The following PAX8 variants were observed in gnomAD, a reference collection of about 807,000 sequenced individuals.
PAX8 encodes the protein paired box 8, also known as paired box protein Pax-8.
A neutral mutation model predicts 52.4 loss-of-function variants in PAX8; 15 were observed. The observed-to-expected ratio is 0.29, with a 90% confidence interval of 0.19 to 0.44. The LOEUF is 0.44. PAX8 is among the 20% of genes least tolerant of loss of function. PAX8 has a pLI of 1.00. For missense variants in PAX8, 554 were observed against 602.5 expected (o/e 0.92, Z 0.84); for synonymous variants, 284 against 249.7 (o/e 1.14, Z -1.29).
chr2:113,242,997 CAG>C (rs1256765844), intron 4 of PAX8, among the ~76,000 whole-genome samples: 1 of 152,224 alleles, frequency 6.6e-6, no homozygotes, highest in Non-Finnish European at 1.5e-5. Context: ...AAGGCCAAAA[CAG>C]AGATGGGGCT....
chr2:113,278,802 A>C, intron 1 of PAX8, 29 bp downstream of exon 1: 4 of 1,020,582 alleles, frequency 3.9e-6, no homozygotes, highest in Non-Finnish European at 4.8e-6. Flanking sequence ...ACTGCTAGCC[A>C]GCTTCCAGCT....
chr2:113,244,096 G>C (rs1691104748), intron 4 of PAX8, among the ~76,000 whole-genome samples: 1 of 152,194 alleles, frequency 6.6e-6, no homozygotes, highest in African/African-American at 2.4e-5. Context: ...CTTGAATGTG[G>C]GCTGGGTTAG....
Position 113,256,616 on chromosome 2 carries a change from GTA to G in PAX8, c.26-9699_26-9698del, listed in dbSNP as rs1442506978. On this transcript the variant is annotated intron_variant, in intron 2 of 11. Coordinates refer to ENST00000429538, the MANE Select transcript of PAX8 (RefSeq NM_003466.4). ...ATATATGGAATATATATGTGTGTGT[GTA>G]TATATATATATATGTGTGTGTGTGT... is the stretch of plus-strand genomic sequence containing the variant. Among the ~76,000 whole-genome samples, 273 of 69,704 alleles carry G rather than the reference GTA, an allele frequency of 3.9e-3. 5 individuals carry two copies. The highest frequency in any genetic ancestry group is 0.013 in the African/African-American group (164 of 12,818). The allele number at this position is 69,704 out of a possible 152,430, so 45.7% of individuals were successfully genotyped here. A position where few individuals can be genotyped will look rare whatever the true frequency, so the allele number is the denominator to read the frequency against.
At chr2:113,250,696 G>C (rs933157878) in intron 2 of PAX8, 2 of 152,170 alleles carry the variant, frequency 1.3e-5, no homozygotes, top group Non-Finnish European at 2.9e-5. Context: ...CAATAATAAT[G>C]ATTGTTTGTA....
At chr2:113,220,056 T>C (rs1452370406) in intron 11 of PAX8, 36 bp downstream of exon 11, 2 of 1,524,354 alleles carry the variant, frequency 1.3e-6, no homozygotes, top group Non-Finnish European at 1.8e-6. Context: ...CCATCCATCC[T>C]GCCCAGCAGA....
intron 2 of PAX8, chr2:113,259,610 A>G (rs997056020): frequency 1.3e-5 from 2 of 152,692 alleles, no homozygotes; most frequent in Admixed American, 6.5e-5. Flanking sequence ...ATCTTTTGGC[A>G]TAGCATCCCT....
At chr2:113,272,219 G>A (rs1050608741) in intron 2 of PAX8, 2 of 152,064 alleles carry the variant, frequency 1.3e-5, no homozygotes, top group Non-Finnish European at 2.9e-5. Flanking sequence ...GGTTTCTATC[G>A]AGACTCATTC....
At chr2:113,254,038 A>G (rs1692000286) in intron 2 of PAX8, among the ~76,000 whole-genome samples, 1 of 152,240 alleles carries the variant, frequency 6.6e-6, no homozygotes, top group Non-Finnish European at 1.5e-5. Context: ...GGTGTTCAGT[A>G]AACATGTCAC....
intron 10 of PAX8, among the ~76,000 whole-genome samples, chr2:113,223,944 T>C (rs908878636): frequency 3.9e-5 from 6 of 151,952 alleles, no homozygotes; most frequent in South Asian, 2.1e-4. Context: ...GATGGAAGGA[T>C]TGATGATGAA....
chr2:113,251,503 C>A (rs1437574331), intron 2 of PAX8, among the ~76,000 whole-genome samples: 1 of 151,976 alleles, frequency 6.6e-6, no homozygotes, highest in Non-Finnish European at 1.5e-5. Context: ...ACCGCCTGGC[C>A]GGATGCAAGC....
intron 1 of PAX8, 139 bp from the exon 2 acceptor site, chr2:113,278,608 C>A: frequency 2.5e-6 from 2 of 801,652 alleles, no homozygotes; most frequent in Admixed American, 4.6e-5. Context: ...TAGGGCCAAC[C>A]TCAGCCTAGC....
chr2:113,226,935 G>T, intron 10 of PAX8: 2 of 1,455,816 alleles, frequency 1.4e-6, no homozygotes, highest in South Asian at 2.6e-5. Flanking sequence ...GCAGGCCTGG[G>T]AAGAAGGAGG....
At chr2:113,240,653 T>A (rs975776571) in intron 7 of PAX8, 1 of 152,300 alleles carries the variant, frequency 6.6e-6, no homozygotes, top group East Asian at 1.9e-4. Flanking sequence ...CAACCTGTTA[T>A]GATTCATTTC....
intron 10 of PAX8, chr2:113,226,038 C>G: frequency 3.0e-6 from 3 of 985,734 alleles, no homozygotes; most frequent in Non-Finnish European, 3.6e-6. Context: ...CCACGGTAAC[C>G]AGGCAGCAAC....
chr2:113,234,596 C>G (rs975100435), intron 9 of PAX8, among the ~76,000 whole-genome samples: 1 of 152,252 alleles, frequency 6.6e-6, no homozygotes, highest in African/African-American at 2.4e-5. Context: ...CCTCAGCTCA[C>G]TGCAACCTAT....
intron 2 of PAX8, chr2:113,267,771 G>C (rs1693184998): frequency 6.6e-6 from 1 of 152,230 alleles, no homozygotes; most frequent in South Asian, 2.1e-4. Context: ...CACAGACCTA[G>C]GACAGTCTTC....
intron 2 of PAX8, chr2:113,273,498 A>G (rs1573552893): frequency 6.6e-6 from 1 of 152,342 alleles, no homozygotes; most frequent in South Asian, 2.1e-4. Flanking sequence ...TTTGCATTCA[A>G]GCTCTCTGTG....
At chr2:113,229,860 G>A (rs1417003669) in intron 9 of PAX8, among the ~76,000 whole-genome samples, 1 of 151,604 alleles carries the variant, frequency 6.6e-6, no homozygotes, top group Admixed American at 6.6e-5. Flanking sequence ...CAGGTGGTGA[G>A]GGAGGGAGTG....
chr2:113,271,521 G>T (rs1309373997), intron 2 of PAX8: 1 of 151,940 alleles, frequency 6.6e-6, no homozygotes, highest in African/African-American at 2.4e-5. Flanking sequence ...CCATTTCACA[G>T]ATGGGAAGAC....
Sources: gnomAD v4.1 joint callset for allele counts (sites outside exome capture counted in the v4.1 genomes callset) on GRCh38, gnomAD v4.1.1 for gene constraint, MANE v1.5 for transcripts, NCBI Gene and HGNC (gene_info 2026-07-23, HGNC 2026-07-21) for gene names.